The following PTPRM variants were observed in gnomAD, a reference collection of about 807,000 sequenced individuals.
PTPRM encodes receptor-type tyrosine-protein phosphatase mu.
In PTPRM, 47 loss-of-function variants were observed where a neutral mutation model predicts 186.7. The ratio of observed to expected loss-of-function variants is 0.25; its 90% CI spans 0.20 to 0.32. The LOEUF (loss-of-function observed/expected upper bound fraction) is 0.32. Among genes scored for constraint, PTPRM ranks in the 10% least tolerant of loss-of-function variants. The pLI is 1.00. For synonymous variants in PTPRM, 668 were observed against 674.9 expected (o/e 0.99, Z 0.16); for missense variants, 1,494 against 1,865.0 (o/e 0.80, Z 3.66).
intron 19 of PTPRM, among the ~76,000 whole-genome samples, chr18:8,271,308 A>G (rs2094768658): frequency 6.6e-6 from 1 of 151,632 alleles, no homozygotes; most frequent in Non-Finnish European, 1.5e-5. Context: ...TTAATATAAC[A>G]TATATGTGAT....
chr18:7,809,829 T>C (rs7239294), intron 2 of PTPRM, among the ~76,000 whole-genome samples: 2,145 of 152,148 alleles, frequency 0.014, 46 homozygotes, highest in African/African-American at 0.04. Context: ...GATGGTAGAC[T>C]AGGGAGGAAA....
At position 8,376,030 on chromosome 18, in the gene PTPRM, T is replaced by C. The variant is rs1341227034; in HGVS notation, c.3172-16T>C. 3 of 1,597,650 alleles carry C rather than the reference T, an allele frequency of 1.9e-6. No individual in the cohort carries two copies. In the Admixed American group the frequency reaches 5.0e-5, roughly 27 times the overall value. On this transcript the variant is annotated splice_polypyrimidine_tract_variant and intron_variant, in intron 24 of 32. Coordinates refer to ENST00000580170, the MANE Select transcript of PTPRM (RefSeq NM_001105244.2). The stretch of plus-strand genomic sequence containing the variant: ...CCCTTGTTCTCTTCCTTGTTCTGGC[T>C]AACCAACTACTGCAGAGAGGTGTGC...
At chr18:8,084,261 A>G (rs1443432103) in intron 9 of PTPRM, among the ~76,000 whole-genome samples, 1 of 152,158 alleles carries the variant, frequency 6.6e-6, no homozygotes, top group Non-Finnish European at 1.5e-5. Flanking sequence ...TTATGCATTC[A>G]TAATAGAGGT....
At chr18:8,327,579 A>G (rs115915998) in intron 22 of PTPRM, among the ~76,000 whole-genome samples, 1 of 152,342 alleles carries the variant, frequency 6.6e-6, no homozygotes, top group African/African-American at 2.4e-5. Flanking sequence ...GGGACTTACG[A>G]TGTGCCACGC....
chr18:7,645,657 T>C lies in PTPRM; in HGVS notation c.73+77766T>C, dbSNP rs182851401. Among the ~76,000 whole-genome samples the C allele has an allele frequency of 2.2e-4, 34 of 152,322 alleles. No homozygotes were observed. In the East Asian group the frequency reaches 6.2e-3, roughly 28 times the overall value. On this transcript the variant is annotated intron_variant, in intron 1 of 32. Transcript: ENST00000580170. ...TGTGGAATGCTACTCATTTTGGCTG[T>C]GAGACCAATAATAATTCAATATATA... is the stretch of plus-strand genomic sequence containing the variant.
intron 2 of PTPRM, among the ~76,000 whole-genome samples, chr18:7,835,845 T>G (rs538274592): frequency 3.3e-5 from 5 of 151,778 alleles, no homozygotes; most frequent in African/African-American, 7.3e-5. Flanking sequence ...CTTAAAGTTT[T>G]TTTTGTTTTG....
At chr18:7,825,727 G>A (rs1389950774) in intron 2 of PTPRM, among the ~76,000 whole-genome samples, 6 of 152,152 alleles carry the variant, frequency 3.9e-5, no homozygotes, top group African/African-American at 1.2e-4. Flanking sequence ...CAGACCAAGC[G>A]TTTGCCTCTG....
chr18:8,382,408 G>A (rs1404493157), intron 29 of PTPRM, among the ~76,000 whole-genome samples: 1 of 152,084 alleles, frequency 6.6e-6, no homozygotes, highest in African/African-American at 2.4e-5. Flanking sequence ...CGGTTCAGAT[G>A]TACATGTTAC....
intron 5 of PTPRM, among the ~76,000 whole-genome samples, chr18:7,946,108 G>A (rs1290310643): frequency 2.6e-5 from 4 of 152,174 alleles, no homozygotes; most frequent in Non-Finnish European, 5.9e-5. Context: ...CCCATCTGTG[G>A]CATGAAGACA....
At chr18:8,195,469 G>C (rs1301896360) in intron 14 of PTPRM, among the ~76,000 whole-genome samples, 1 of 152,174 alleles carries the variant, frequency 6.6e-6, no homozygotes, top group Non-Finnish European at 1.5e-5. Context: ...ATTCACAATA[G>C]CAAAGATGTG....
chr18:7,871,137 CTG>C (rs2047964867), intron 2 of PTPRM, among the ~76,000 whole-genome samples: 1 of 152,242 alleles, frequency 6.6e-6, no homozygotes, highest in African/African-American at 2.4e-5. Flanking sequence ...CCAACAATAA[CTG>C]TGGACATGCT....
intron 23 of PTPRM, among the ~76,000 whole-genome samples, chr18:8,366,279 G>A (rs2095628808): frequency 6.6e-6 from 1 of 152,234 alleles, no homozygotes; most frequent in African/African-American, 2.4e-5. Context: ...TGGCAAGACT[G>A]CAGCTGTGCT....
At chr18:7,973,966 T>TA (rs571394683) in intron 7 of PTPRM, among the ~76,000 whole-genome samples, 9,346 of 140,180 alleles carry the variant, frequency 0.067, 441 homozygotes, top group Admixed American at 0.15. Flanking sequence ...GAGATTCTGG[T>TA]AAAAAAAAAA....
At chr18:8,249,407 G>A (rs1168739525) in intron 17 of PTPRM, among the ~76,000 whole-genome samples, 1 of 152,120 alleles carries the variant, frequency 6.6e-6, no homozygotes, top group Non-Finnish European at 1.5e-5. Context: ...AACCCTCCCT[G>A]CCCACACACT....
At chr18:8,306,198 C>T (rs1206270488) in intron 20 of PTPRM, among the ~76,000 whole-genome samples, 3 of 151,892 alleles carry the variant, frequency 2.0e-5, no homozygotes, top group Non-Finnish European at 2.9e-5. Flanking sequence ...CGCCTGGCAG[C>T]GTAATTTTTT....
intron 19 of PTPRM, among the ~76,000 whole-genome samples, chr18:8,282,890 A>G (rs2094918694): frequency 6.6e-6 from 1 of 152,244 alleles, no homozygotes; most frequent in Non-Finnish European, 1.5e-5. Flanking sequence ...ACCATGGAAT[A>G]TTACTGAGCT....
At chr18:7,687,721 A>G (rs2039635667) in intron 1 of PTPRM, among the ~76,000 whole-genome samples, 1 of 152,040 alleles carries the variant, frequency 6.6e-6, no homozygotes, top group Non-Finnish European at 1.5e-5. Context: ...GATTAAAATT[A>G]CTTTTTACTA....
At chr18:8,195,317 C>T (rs1042744500) in intron 14 of PTPRM, among the ~76,000 whole-genome samples, 2 of 151,944 alleles carry the variant, frequency 1.3e-5, no homozygotes, top group Non-Finnish European at 1.5e-5. Flanking sequence ...GTGATGGCTG[C>T]CTTTAACAAG....
chr18:7,906,097 G>A (rs2049966922), intron 3 of PTPRM, among the ~76,000 whole-genome samples: 1 of 152,080 alleles, frequency 6.6e-6, no homozygotes, highest in African/African-American at 2.4e-5. Flanking sequence ...AACTGTTGGA[G>A]AGGTAACCCC....
Sources: gnomAD v4.1 joint callset for allele counts (sites outside exome capture counted in the v4.1 genomes callset) on GRCh38, gnomAD v4.1.1 for gene constraint, MANE v1.5 for transcripts, NCBI Gene and HGNC (gene_info 2026-07-23, HGNC 2026-07-21) for gene names.